The following PCED1B variants were observed in gnomAD, a reference collection of about 807,000 sequenced individuals.
PCED1B encodes the protein PC-esterase domain containing 1B.
For missense variants in PCED1B, 573 were observed against 573.9 expected, an observed-to-expected ratio of 1.00 and a Z score of 0.02; for synonymous variants, 251 against 246.1, an observed-to-expected ratio of 1.02 and a Z score of -0.19.
chr12:47,185,237 G>A (rs1476757071), intron 2 of PCED1B, among the ~76,000 whole-genome samples: 1 of 152,156 alleles, frequency 6.6e-6, no homozygotes, highest in Non-Finnish European at 1.5e-5. Context: ...TTAAGATGAG[G>A]TCATATTGAA....
rs116223023 is a variant in PCED1B, at chr12:47,107,436, G to A, written c.-526+3241G>A. On this transcript the variant is annotated intron_variant, in intron 2 of 3. Coordinates refer to ENST00000546455, the MANE Select transcript of PCED1B (RefSeq NM_138371.3). ...ACAGGGAGGGAGCTGATAGATGGCA[G>A]GCCGAAGGGCCCAAATTTAAGAGAG... 4.6e-3 allele frequency among the ~76,000 whole-genome samples: 702 copies of A among 152,362 alleles called. 3 individuals are homozygous for A. Among genetic ancestry groups the A allele is most frequent in the African/African-American group, 0.015 (620 of 41,576 alleles).
At chr12:47,115,800 A>G (rs965818765) in intron 2 of PCED1B, among the ~76,000 whole-genome samples, 3 of 152,202 alleles carry the variant, frequency 2.0e-5, no homozygotes, top group East Asian at 3.8e-4. Context: ...TCCTATAATT[A>G]TTTTATGTGT....
chr12:47,177,455 A>AC (rs1310631093), intron 2 of PCED1B, among the ~76,000 whole-genome samples: 1 of 152,116 alleles, frequency 6.6e-6, no homozygotes, highest in Non-Finnish European at 1.5e-5. Context: ...TCACCCTCAC[A>AC]CTAAACCCAT....
chr12:47,114,714 T>G (rs1031102226), intron 2 of PCED1B, among the ~76,000 whole-genome samples: 2 of 152,148 alleles, frequency 1.3e-5, no homozygotes, highest in Non-Finnish European at 2.9e-5. Context: ...GGAGCAGGAA[T>G]GAAGGTCCCC....
chr12:47,207,949 G>T (rs1474764391), intron 2 of PCED1B, among the ~76,000 whole-genome samples: 1 of 152,116 alleles, frequency 6.6e-6, no homozygotes, highest in Non-Finnish European at 1.5e-5. Flanking sequence ...TAAGTCTGTG[G>T]TTAATCAAGC....
intron 2 of PCED1B, among the ~76,000 whole-genome samples, chr12:47,119,001 T>C (rs935058208): frequency 1.3e-5 from 2 of 152,162 alleles, no homozygotes; most frequent in Admixed American, 1.3e-4. Flanking sequence ...ACCTTATTTT[T>C]ACAAAACAAC....
chr12:47,154,654 C>T (rs1941127701), intron 2 of PCED1B, among the ~76,000 whole-genome samples: 1 of 140,508 alleles, frequency 7.1e-6, no homozygotes. Flanking sequence ...TGTTTCCAAG[C>T]AGGTGACAAC....
intron 2 of PCED1B, among the ~76,000 whole-genome samples, chr12:47,129,611 GA>G (rs1236526035): frequency 1.3e-5 from 2 of 151,592 alleles, no homozygotes; most frequent in African/African-American, 4.8e-5. Context: ...TTTTTTTAAA[GA>G]AAAAAAAGAG....
intron 3 of PCED1B, among the ~76,000 whole-genome samples, chr12:47,231,739 C>G (rs1943814327): frequency 6.6e-6 from 1 of 152,160 alleles, no homozygotes; most frequent in Admixed American, 6.5e-5. Flanking sequence ...GTAGCAGAGA[C>G]AGCACTAAAT....
chr12:47,142,806 G>T (rs1940643407), intron 2 of PCED1B, among the ~76,000 whole-genome samples: 1 of 151,768 alleles, frequency 6.6e-6, no homozygotes, highest in Non-Finnish European at 1.5e-5. Context: ...AAAGAATTAA[G>T]AAAGCATAAT....
chr12:47,192,804 A>G (rs1040303840), intron 2 of PCED1B, among the ~76,000 whole-genome samples: 1 of 152,180 alleles, frequency 6.6e-6, no homozygotes, highest in African/African-American at 2.4e-5. Flanking sequence ...TCATTTAACC[A>G]TCATTCCTTG....
intron 3 of PCED1B, among the ~76,000 whole-genome samples, chr12:47,217,470 G>GAGAA (rs200992609): frequency 0.076 from 6,946 of 90,822 alleles, 483 homozygotes; most frequent in Admixed American, 0.11. Context: ...AAGAAAGAAA[G>GAGAA]AGAAAGAAAG....
chr12:47,103,034 T>C (rs1938783118), intron 1 of PCED1B, among the ~76,000 whole-genome samples: 1 of 152,126 alleles, frequency 6.6e-6, no homozygotes. Context: ...AGGGCACAGA[T>C]AAAGTTTGAC....
chr12:47,200,926 A>G (rs1013876945), intron 2 of PCED1B, among the ~76,000 whole-genome samples: 6 of 152,230 alleles, frequency 3.9e-5, no homozygotes, highest in African/African-American at 1.4e-4. Context: ...AACAATATAG[A>G]CATTTGTTTG....
chr12:47,166,806 C>T (rs968510441), intron 2 of PCED1B, among the ~76,000 whole-genome samples: 3 of 151,482 alleles, frequency 2.0e-5, no homozygotes, highest in South Asian at 2.1e-4. Context: ...TTTTATTTAC[C>T]CCTCTTAGGT....
intron 3 of PCED1B, among the ~76,000 whole-genome samples, chr12:47,217,824 G>A (rs1943348595): frequency 6.6e-6 from 1 of 152,122 alleles, no homozygotes; most frequent in Non-Finnish European, 1.5e-5. Flanking sequence ...TGATCCGACC[G>A]TCTTGGCCTC....
chr12:47,154,082 TGCAAGCAAG>T (rs1452542700), intron 2 of PCED1B, among the ~76,000 whole-genome samples: 2 of 152,244 alleles, frequency 1.3e-5, no homozygotes, highest in Admixed American at 6.5e-5. Flanking sequence ...CTACACAACT[TGCAAGCAAG>T]GCGCTGACTG....
intron 2 of PCED1B, among the ~76,000 whole-genome samples, chr12:47,213,920 C>T (rs1488160257): frequency 6.6e-6 from 1 of 152,204 alleles, no homozygotes; most frequent in Non-Finnish European, 1.5e-5. Flanking sequence ...TGCATTATTA[C>T]AGCTCTTCTG....
intron 2 of PCED1B, among the ~76,000 whole-genome samples, chr12:47,123,768 A>T (rs1014129711): frequency 6.6e-6 from 1 of 152,004 alleles, no homozygotes; most frequent in Admixed American, 6.6e-5. Flanking sequence ...TTATACTTTC[A>T]TTTTACAAAA....
Sources: gnomAD v4.1 joint callset for allele counts (sites outside exome capture counted in the v4.1 genomes callset) on GRCh38, gnomAD v4.1.1 for gene constraint, MANE v1.5 for transcripts, NCBI Gene and HGNC (gene_info 2026-07-23, HGNC 2026-07-21) for gene names.